SEMA6D: variants seen among roughly 807,000 people sequenced by gnomAD.
SEMA6D encodes the protein semaphorin 6D.
In SEMA6D, 35 loss-of-function variants were observed where a neutral mutation model predicts 106.6. That is an observed-to-expected ratio of 0.33 (90% CI 0.25 to 0.44). SEMA6D has a LOEUF of 0.44. Ranked by LOEUF, SEMA6D falls within the 20% of genes least tolerant of loss-of-function variation. SEMA6D has a pLI of 1.00. For synonymous variants in SEMA6D, 499 were observed against 487.7 expected (o/e 1.02, Z -0.31); for missense variants, 1,185 against 1,345.9 (o/e 0.88, Z 1.87).
chr15:47,673,792 G>T (rs756679045), intron 4 of SEMA6D, among the ~76,000 whole-genome samples: 20 of 152,150 alleles, frequency 1.3e-4, no homozygotes, highest in Non-Finnish European at 2.5e-4. Flanking sequence ...GATGCCTGCA[G>T]AAGTGCCCTC....
intron 1 of SEMA6D, among the ~76,000 whole-genome samples, chr15:47,254,295 AGATG>A (rs2033674282): frequency 7.2e-6 from 1 of 139,096 alleles, no homozygotes; most frequent in South Asian, 2.3e-4. Context: ...GTGTATATAT[AGATG>A]TGTATATATA....
intron 2 of SEMA6D, among the ~76,000 whole-genome samples, chr15:47,460,683 A>G (rs796209535): frequency 5.9e-5 from 9 of 152,192 alleles, no homozygotes; most frequent in African/African-American, 2.2e-4. Flanking sequence ...AATGAGGAGT[A>G]TTTAAACATA....
intron 3 of SEMA6D, among the ~76,000 whole-genome samples, chr15:47,503,926 C>T (rs995795114): frequency 3.9e-5 from 6 of 152,164 alleles, no homozygotes; most frequent in Non-Finnish European, 8.8e-5. Flanking sequence ...TTGTCACATC[C>T]CACTCCCCTG....
chr15:47,423,253 T>C (rs1419856200), intron 2 of SEMA6D, among the ~76,000 whole-genome samples: 1 of 151,866 alleles, frequency 6.6e-6, no homozygotes, highest in Non-Finnish European at 1.5e-5. Context: ...ACACCAAAAA[T>C]AGAGACTCAC....
At chr15:47,538,502 A>G (rs980284358) in intron 3 of SEMA6D, among the ~76,000 whole-genome samples, 2 of 152,166 alleles carry the variant, frequency 1.3e-5, no homozygotes, top group African/African-American at 4.8e-5. Flanking sequence ...TAATATTAGA[A>G]TATATCAACT....
chr15:47,597,258 A>G (rs2076555397), intron 3 of SEMA6D, among the ~76,000 whole-genome samples: 1 of 152,112 alleles, frequency 6.6e-6, no homozygotes, highest in African/African-American at 2.4e-5. Context: ...AAATCTTTGT[A>G]CATTGCTGGT....
chr15:47,531,036 T>C (rs933700871), intron 3 of SEMA6D, among the ~76,000 whole-genome samples: 5 of 152,204 alleles, frequency 3.3e-5, no homozygotes, highest in Admixed American at 6.5e-5. Context: ...TAATGACATA[T>C]TTATACAAGA....
At chr15:47,451,958 T>A (rs1383479789) in intron 2 of SEMA6D, among the ~76,000 whole-genome samples, 1 of 151,944 alleles carries the variant, frequency 6.6e-6, no homozygotes, top group African/African-American at 2.4e-5. Context: ...AAACCAAACA[T>A]TGAATTGCTG....
intron 2 of SEMA6D, among the ~76,000 whole-genome samples, chr15:47,436,811 A>G (rs1595991788): frequency 1.3e-5 from 2 of 149,360 alleles, no homozygotes; most frequent in East Asian, 4.0e-4. Flanking sequence ...GTGCATGCCT[A>G]TAGTCCTAGC....
Position 47,677,832 on chromosome 15 carries a change from A to G in SEMA6D, c.-55+76936A>G, listed in dbSNP as rs959137237. On this transcript the variant is annotated intron_variant, in intron 4 of 19. Transcript: ENST00000558014. Reference sequence around the variant, plus strand: ...AAAGGAAAAGCTTAAATTGCTAGCAATTCTCATGATGTCGCTTTTAGACAG... The same window carrying G: ...AAAGGAAAAGCTTAAATTGCTAGCAGTTCTCATGATGTCGCTTTTAGACAG... 3.3e-5 allele frequency among the ~76,000 whole-genome samples: 5 copies of G among 152,220 alleles called. No homozygotes were observed. The East Asian group carries it at 5.8e-4, about 18-fold the overall frequency.
intron 3 of SEMA6D, among the ~76,000 whole-genome samples, chr15:47,491,792 T>C (rs539992107): frequency 4.6e-5 from 7 of 152,300 alleles, no homozygotes; most frequent in African/African-American, 1.7e-4. Context: ...CAAAGAAATC[T>C]CATTCTATGT....
rs910019879 is a variant in SEMA6D at position 47,772,610 on chromosome 15, T to A, written c.*825T>A. ...GCCAGAATGTAAGAGTTGCAAGTGATTTTGTGCTGCTATTCATTAAAACTT... is the reference window on the plus strand; with the variant it reads ...GCCAGAATGTAAGAGTTGCAAGTGAATTTGTGCTGCTATTCATTAAAACTT... On this transcript the variant is annotated 3_prime_UTR_variant, in exon 19 of 19. Coordinates refer to ENST00000536845, the MANE Select transcript of SEMA6D (RefSeq NM_001358351.3). 4.6e-5 allele frequency: 7 copies of A among 152,536 alleles called. No individual in the cohort carries two copies. The highest frequency in any genetic ancestry group is 1.0e-4 in the Non-Finnish European group (7 of 68,030). The allele number at this position is 152,536 out of a possible 1,614,324, so 9.4% of individuals were successfully genotyped here. A position where few individuals can be genotyped will look rare whatever the true frequency, so the allele number is the denominator to read the frequency against.
chr15:47,669,134 C>T (rs2078090968), intron 4 of SEMA6D, among the ~76,000 whole-genome samples: 1 of 152,092 alleles, frequency 6.6e-6, no homozygotes. Context: ...GCCATTTCAT[C>T]CCTATATGAG....
At chr15:47,207,023 G>C (rs886113315) in intron 1 of SEMA6D, among the ~76,000 whole-genome samples, 3 of 152,124 alleles carry the variant, frequency 2.0e-5, no homozygotes, top group Non-Finnish European at 2.9e-5. Flanking sequence ...GGCTCCAGGA[G>C]AAAACTTCAA....
At chr15:47,301,225 A>C (rs1448313862) in intron 1 of SEMA6D, among the ~76,000 whole-genome samples, 2 of 152,238 alleles carry the variant, frequency 1.3e-5, no homozygotes, top group African/African-American at 4.8e-5. Context: ...CAGTGGCTCC[A>C]TGATTCAAGT....
At chr15:47,235,466 C>G (rs1435142251) in intron 1 of SEMA6D, among the ~76,000 whole-genome samples, 1 of 151,884 alleles carries the variant, frequency 6.6e-6, no homozygotes, top group African/African-American at 2.4e-5. Flanking sequence ...GCTTTTGGGT[C>G]TTAAAGTCTT....
intron 1 of SEMA6D, among the ~76,000 whole-genome samples, chr15:47,259,369 T>G (rs1191043553): frequency 6.6e-6 from 1 of 152,148 alleles, no homozygotes; most frequent in Non-Finnish European, 1.5e-5. Flanking sequence ...AATTGACAGA[T>G]TTTTTTACAC....
intron 1 of SEMA6D, among the ~76,000 whole-genome samples, chr15:47,289,309 G>A (rs544718084): frequency 1.4e-5 from 2 of 146,700 alleles, no homozygotes; most frequent in East Asian, 2.1e-4. Context: ...CAGGAGAATC[G>A]CTCGAACCTA....
At chr15:47,310,819 G>A (rs977600141) in intron 1 of SEMA6D, among the ~76,000 whole-genome samples, 2 of 152,192 alleles carry the variant, frequency 1.3e-5, no homozygotes, top group African/African-American at 4.8e-5. Flanking sequence ...AAATATCTGA[G>A]TATTATCTGC....
Sources: gnomAD v4.1 joint callset for allele counts (sites outside exome capture counted in the v4.1 genomes callset) on GRCh38, gnomAD v4.1.1 for gene constraint, MANE v1.5 for transcripts, NCBI Gene and HGNC (gene_info 2026-07-23, HGNC 2026-07-21) for gene names.